ZNF611: variants seen among roughly 807,000 people sequenced by gnomAD.
ZNF611 encodes the protein zinc finger protein 611.
Under a neutral mutation model 8.9 loss-of-function variants are expected in ZNF611, and 6 were observed. The ratio of observed to expected loss-of-function variants is 0.68; its 90% CI spans 0.37 to 1.34. The LOEUF (loss-of-function observed/expected upper bound fraction) is 1.34, where lower values mean the gene tolerates loss of function less well. Among genes scored for constraint, ZNF611 ranks in the 40% most tolerant of loss-of-function variants. ZNF611 has a pLI of 0.02. For missense variants in ZNF611, 874 were observed against 841.3 expected, an observed-to-expected ratio of 1.04 and a Z score of -0.48; for synonymous variants, 262 against 279.7, an observed-to-expected ratio of 0.94 and a Z score of 0.63.
At chr19:52,713,644 C>A (rs2062294953) in intron 5 of ZNF611, among the ~76,000 whole-genome samples, 2 of 152,178 alleles carry the variant, frequency 1.3e-5, no homozygotes, top group African/African-American at 4.8e-5. Flanking sequence ...GTAATCCCAG[C>A]ACTTTGGGAG....
intron 5 of ZNF611, among the ~76,000 whole-genome samples, chr19:52,709,610 C>T (rs1322285247): frequency 6.7e-6 from 1 of 150,068 alleles, no homozygotes. Context: ...TCTTGTTGCC[C>T]AGGCTGGAGT....
intron 1 of ZNF611, among the ~76,000 whole-genome samples, chr19:52,734,539 G>GGT (rs1377054628): frequency 3.8e-5 from 2 of 52,208 alleles, no homozygotes; most frequent in South Asian, 1.1e-3. Flanking sequence ...TGCGGGGCGG[G>GGT]GGGGGGGGGC....
chr19:52,703,322 C>T lies in ZNF611; in HGVS notation c.*1615G>A, dbSNP rs2062216796. Reference sequence around the variant, plus strand: ...TTTGAGATGGAGACTCACTCTGCCACCCAGGCTGCAGTATAGTGGCACAAT... The same window carrying T: ...TTTGAGATGGAGACTCACTCTGCCATCCAGGCTGCAGTATAGTGGCACAAT... On this transcript the variant is annotated 3_prime_UTR_variant, in exon 6 of 6. Coordinates refer to ENST00000652185, the MANE Select transcript of ZNF611 (RefSeq NM_001161499.2). 6.6e-6 allele frequency: 1 copy of T among 152,094 alleles called. No homozygotes were observed. Among genetic ancestry groups the T allele is most frequent in the East Asian group, 1.9e-4 (1 of 5,186 alleles). The allele number at this position is 152,094 out of a possible 1,614,324, so 9.4% of individuals were successfully genotyped here.
chr19:52,719,298 G>A lies in ZNF611; in HGVS notation c.-19-3385C>T, dbSNP rs145495732. On this transcript the variant is annotated intron_variant, in intron 3 of 5. Transcript: ENST00000652185. ...GCACTTTTAATACTCCTTTCATCAC[G>A]TTCCATATAGTAACAGAGACTCAGT... Among the ~76,000 whole-genome samples the A allele has an allele frequency of 5.8e-4, 88 of 151,596 alleles. No individual in the cohort carries two copies. In the East Asian group the frequency reaches 6.4e-3, roughly 11 times the overall value.
chr19:52,710,701 G>A, intron 5 of ZNF611, among the ~76,000 whole-genome samples: 1 of 152,160 alleles, frequency 6.6e-6, no homozygotes. Flanking sequence ...TGAAAAGAGT[G>A]AGACAGGAAA....
Position 52,713,749 on chromosome 19 carries a change from G to C in ZNF611, c.190+266C>G, listed in dbSNP as rs2062295653. Reference sequence around the variant, plus strand: ...TCTACTAAAAATACAAAATTAGCTGGGTGTGGTCTCGCATGCCTATAATAA... The same window carrying C: ...TCTACTAAAAATACAAAATTAGCTGCGTGTGGTCTCGCATGCCTATAATAA... On this transcript the variant is annotated intron_variant, in intron 5 of 5. Transcript: ENST00000652185. Among the ~76,000 whole-genome samples, 4 of 152,022 alleles carry C rather than the reference G, an allele frequency of 2.6e-5. No homozygotes were observed. In the South Asian group the frequency reaches 8.3e-4, roughly 32 times the overall value.
intron 1 of ZNF611, among the ~76,000 whole-genome samples, chr19:52,731,919 T>C (rs1388572748): frequency 1.3e-5 from 2 of 151,082 alleles, no homozygotes; most frequent in Non-Finnish European, 2.9e-5. Context: ...TGTGGTGAGC[T>C]GAGATCATGC....
chr19:52,721,507 C>T (rs556477909), intron 3 of ZNF611, among the ~76,000 whole-genome samples: 5 of 152,326 alleles, frequency 3.3e-5, no homozygotes, highest in East Asian at 3.9e-4. Context: ...GGCGAAACCC[C>T]GTCTCCACCA....
At chr19:52,734,331 C>T (rs940235472) in intron 1 of ZNF611, among the ~76,000 whole-genome samples, 1 of 152,008 alleles carries the variant, frequency 6.6e-6, no homozygotes, top group African/African-American at 2.4e-5. Context: ...TTCCTTTGGC[C>T]CACACAATCG....
Position 52,714,114 on chromosome 19 carries a change from T to A in ZNF611, c.91A>T (p.Ile31Leu), listed in dbSNP as rs765454179. 3 of 1,613,706 alleles carry A rather than the reference T, an allele frequency of 1.9e-6. No individual in the cohort carries two copies. The African/African-American group carries it at 4.0e-5, about 22-fold the overall frequency. Reference sequence around the variant, plus strand: ...TTCCACTCTGCCAATGAGAATTCTATAGCCACATCCCGGAAAGTCAAGCGT... The same window carrying A: ...TTCCACTCTGCCAATGAGAATTCTAAAGCCACATCCCGGAAAGTCAAGCGT... ...QGRLTFRDVAIEFSLAEWKCL... is the reference protein window; with the variant it reads ...QGRLTFRDVALEFSLAEWKCL... The change falls in exon 5 of 6, where the codon ATA (isoleucine) becomes TTA (leucine). Residue 31 changes from isoleucine (I) to leucine (L), a missense_variant. Ile to Leu is a conservative substitution (Grantham distance 5). Transcript: ENST00000652185.
chr19:52,727,590 C>A (rs1004138964), intron 3 of ZNF611, among the ~76,000 whole-genome samples: 2 of 152,044 alleles, frequency 1.3e-5, no homozygotes, highest in African/African-American at 4.8e-5. Flanking sequence ...TGGTGGCAGG[C>A]GCCTGTAATT....
intron 3 of ZNF611, chr19:52,724,531 C>G (rs1490029996): frequency 1.3e-5 from 2 of 152,278 alleles, no homozygotes; most frequent in African/African-American, 4.8e-5. Context: ...AGTCTGATCT[C>G]TCTTTTTTTT....
chr19:52,719,643 T>C (rs2062341190), intron 3 of ZNF611, among the ~76,000 whole-genome samples: 1 of 152,242 alleles, frequency 6.6e-6, no homozygotes, highest in African/African-American at 2.4e-5. Context: ...TCTTCATTAC[T>C]GTTCCATCAT....
At chr19:52,726,837 G>T (rs1020251420) in intron 3 of ZNF611, among the ~76,000 whole-genome samples, 1 of 151,552 alleles carries the variant, frequency 6.6e-6, no homozygotes, top group Non-Finnish European at 1.5e-5. Context: ...TTGTGAAAGA[G>T]ATCAATTACT....
intron 3 of ZNF611, among the ~76,000 whole-genome samples, chr19:52,716,941 G>A (rs1181815853): frequency 1.3e-5 from 2 of 152,050 alleles, no homozygotes; most frequent in South Asian, 2.1e-4. Context: ...GCTGAGGCAG[G>A]AGAATCACTT....
chr19:52,727,837 T>C (rs915276254), intron 3 of ZNF611, among the ~76,000 whole-genome samples: 3 of 152,136 alleles, frequency 2.0e-5, no homozygotes, highest in Non-Finnish European at 4.4e-5. Flanking sequence ...AGCTTTAAAT[T>C]TGAATCATTT....
chr19:52,714,723 C>T lies in ZNF611; in HGVS notation c.64-582G>A, dbSNP rs1471016101. On this transcript the variant is annotated intron_variant, in intron 4 of 5. Coordinates refer to ENST00000652185, the MANE Select transcript of ZNF611 (RefSeq NM_001161499.2). ...ACAAAACAAAACAAAAAAACAATGCCGGGCAGTGACTGTCACCTGTAATCC... is the reference window on the plus strand; with the variant it reads ...ACAAAACAAAACAAAAAAACAATGCTGGGCAGTGACTGTCACCTGTAATCC... 8.6e-5 allele frequency among the ~76,000 whole-genome samples: 7 copies of T among 81,262 alleles called. 1 individual carries two copies. In the East Asian group the frequency reaches 1.4e-3, roughly 16 times the overall value. 53.3% of individuals were successfully genotyped at this position (81,262 alleles called of 152,430 possible). A position where few individuals can be genotyped will look rare whatever the true frequency, so the allele number is the denominator to read the frequency against.
At position 52,705,185 on chromosome 19, in the gene ZNF611, A is replaced by G. The variant is rs2062231570; in HGVS notation, c.1870T>C (p.Cys624Arg). 6.2e-7 allele frequency: 1 copy of G among 1,614,206 alleles called. No individual in the cohort carries two copies. Among genetic ancestry groups the G allele is most frequent in the Non-Finnish European group, 8.5e-7 (1 of 1,180,038 alleles). Residue 624 changes from cysteine to arginine, a missense_variant, in exon 6 of 6, where the codon TGT becomes CGT. By Grantham distance (180) the Cys-to-Arg change is radical (BLOSUM62 -3). Transcript: ENST00000652185. ...CGGAAGGTATTGCCACACTCATTAC[A>G]CTTGTAAGGTTTCTCACCACTATGA... ...RLHSGEKPYK[C>R]NECGNTFRHC... is the part of the protein sequence containing the mutation.
chr19:52,718,618 G>T (rs1224680305), intron 3 of ZNF611, among the ~76,000 whole-genome samples: 2 of 151,670 alleles, frequency 1.3e-5, no homozygotes, highest in African/African-American at 4.8e-5. Flanking sequence ...GACCAAGATG[G>T]AGAAACCCCA....
Sources: allele counts gnomAD v4.1 joint callset (sites outside exome capture counted in the v4.1 genomes callset), GRCh38; gene constraint gnomAD v4.1.1; transcripts MANE v1.5; gene names NCBI Gene and HGNC (gene_info 2026-07-23, HGNC 2026-07-21).